The following CACNA2D1 variants were observed in gnomAD, a reference collection of about 807,000 sequenced individuals.
The protein encoded by CACNA2D1 is calcium voltage-gated channel auxiliary subunit alpha2delta 1.
In CACNA2D1, 53 loss-of-function variants were observed where a neutral mutation model predicts 171.5. That is an observed-to-expected ratio of 0.31 (90% CI 0.25 to 0.39). The LOEUF (loss-of-function observed/expected upper bound fraction) is 0.39. Among genes scored for constraint, CACNA2D1 ranks in the 10% least tolerant of loss-of-function variants. The pLI, the probability that CACNA2D1 is intolerant of heterozygous loss-of-function variation, is 1.00. For synonymous variants in CACNA2D1, 442 were observed against 443.1 expected (o/e 1.00, Z 0.03); for missense variants, 903 against 1,299.8 (o/e 0.69, Z 4.69).
At chr7:82,341,565 C>A (rs1336636052) in intron 2 of CACNA2D1, among the ~76,000 whole-genome samples, 1 of 152,088 alleles carries the variant, frequency 6.6e-6, no homozygotes, top group African/African-American at 2.4e-5. Context: ...ATGATGTAAT[C>A]TACTAAATAA....
intron 3 of CACNA2D1, among the ~76,000 whole-genome samples, chr7:82,211,064 TTA>T (rs1187508076): frequency 6.6e-6 from 1 of 152,182 alleles, no homozygotes; most frequent in East Asian, 1.9e-4. Flanking sequence ...ACATTATTGT[TTA>T]TATGTTTTCA....
At chr7:82,072,732 T>C (rs971811262) in intron 7 of CACNA2D1, among the ~76,000 whole-genome samples, 1 of 151,978 alleles carries the variant, frequency 6.6e-6, no homozygotes, top group Non-Finnish European at 1.5e-5. Context: ...AATCATGAAT[T>C]TGGGAACCAG....
At chr7:82,274,357 T>G (rs1176735689) in intron 3 of CACNA2D1, among the ~76,000 whole-genome samples, 2 of 152,204 alleles carry the variant, frequency 1.3e-5, no homozygotes, top group Non-Finnish European at 2.9e-5. Context: ...TATTGCATAT[T>G]TACTTTAATT....
intron 10 of CACNA2D1, among the ~76,000 whole-genome samples, chr7:82,049,571 G>A (rs1170112108): frequency 6.6e-6 from 1 of 152,088 alleles, no homozygotes; most frequent in African/African-American, 2.4e-5. Context: ...CGCAAAGCCC[G>A]CCAGTTGTAC....
At chr7:82,439,781 T>C in intron 1 of CACNA2D1, among the ~76,000 whole-genome samples, 1 of 151,694 alleles carries the variant, frequency 6.6e-6, no homozygotes, top group East Asian at 1.9e-4. Flanking sequence ...AAATGTTATA[T>C]GGTTAAGCCG....
chr7:82,043,657 T>C (rs1284450997), intron 10 of CACNA2D1, among the ~76,000 whole-genome samples: 1 of 152,180 alleles, frequency 6.6e-6, no homozygotes, highest in Non-Finnish European at 1.5e-5. Context: ...AAGCTTTTGG[T>C]TTTGTAAAGG....
chr7:81,954,985 C>G (rs1012587979), intron 38 of CACNA2D1, among the ~76,000 whole-genome samples: 1 of 152,086 alleles, frequency 6.6e-6, no homozygotes, highest in African/African-American at 2.4e-5. Context: ...TAAATGTAGA[C>G]AGATTATGTA....
intron 3 of CACNA2D1, among the ~76,000 whole-genome samples, chr7:82,324,772 T>G (rs1816439627): frequency 6.6e-6 from 1 of 152,066 alleles, no homozygotes; most frequent in Non-Finnish European, 1.5e-5. Flanking sequence ...ATGTTCTGAG[T>G]GAAAATTCTG....
chr7:82,181,403 C>T (rs1797129945), intron 3 of CACNA2D1, among the ~76,000 whole-genome samples: 1 of 152,184 alleles, frequency 6.6e-6, no homozygotes, highest in South Asian at 2.1e-4. Context: ...GTCTTTAGAA[C>T]AGTACTTCTC....
At chr7:82,324,955 A>C (rs1816463436) in intron 3 of CACNA2D1, among the ~76,000 whole-genome samples, 1 of 152,222 alleles carries the variant, frequency 6.6e-6, no homozygotes, top group Non-Finnish European at 1.5e-5. Context: ...GGCTACAAGC[A>C]TCACTTCCTG....
chr7:81,992,945 A>C (rs746227572), intron 20 of CACNA2D1, among the ~76,000 whole-genome samples: 1 of 152,208 alleles, frequency 6.6e-6, no homozygotes, highest in African/African-American at 2.4e-5. Context: ...TGGAGTATGC[A>C]TAATAAATAC....
At chr7:82,190,777 G>A (rs1455125292) in intron 3 of CACNA2D1, among the ~76,000 whole-genome samples, 1 of 151,476 alleles carries the variant, frequency 6.6e-6, no homozygotes, top group Non-Finnish European at 1.5e-5. Flanking sequence ...AGACTGGAAG[G>A]GATCTTAGGA....
chr7:82,430,093 T>C (rs1311028189), intron 1 of CACNA2D1, among the ~76,000 whole-genome samples: 1 of 152,182 alleles, frequency 6.6e-6, no homozygotes, highest in Non-Finnish European at 1.5e-5. Context: ...TTCTTTTCTA[T>C]GGCAAATGTC....
chr7:82,294,621 C>A (rs1191422005), intron 3 of CACNA2D1, among the ~76,000 whole-genome samples: 2 of 151,978 alleles, frequency 1.3e-5, no homozygotes, highest in African/African-American at 2.4e-5. Context: ...TGTCATGAGT[C>A]ATGAAATCTA....
intron 3 of CACNA2D1, among the ~76,000 whole-genome samples, chr7:82,223,164 C>G (rs538396819): frequency 2.0e-5 from 3 of 152,158 alleles, no homozygotes; most frequent in South Asian, 4.2e-4. Flanking sequence ...CCTTAGCCTC[C>G]CAAAGTGCTG....
In CACNA2D1 at chr7:81,946,937, C is replaced by G. The variant is rs1017808818; in HGVS notation, c.*3455G>C. 6 of 151,956 alleles carry G rather than the reference C, an allele frequency of 3.9e-5. No individual in the cohort carries two copies. The highest frequency in any genetic ancestry group is 1.4e-4 in the African/African-American group (6 of 41,380). 9.4% of individuals were successfully genotyped at this position (151,956 alleles called of 1,614,324 possible). Reference sequence around the variant, plus strand: ...GAAATGTACTGTGAATATTGACATTCTGCTATGGGAAACAATACAAGTTTA... The same window carrying G: ...GAAATGTACTGTGAATATTGACATTGTGCTATGGGAAACAATACAAGTTTA... On this transcript the variant is annotated 3_prime_UTR_variant, in exon 39 of 39. Coordinates refer to ENST00000356860, the MANE Select transcript of CACNA2D1 (RefSeq NM_000722.4).
intron 4 of CACNA2D1, among the ~76,000 whole-genome samples, chr7:82,149,066 G>A (rs533146963): frequency 1.3e-5 from 2 of 152,212 alleles, no homozygotes; most frequent in African/African-American, 2.4e-5. Context: ...GTCAAGGATC[G>A]GCTGCATTCC....
intron 3 of CACNA2D1, among the ~76,000 whole-genome samples, chr7:82,178,650 A>G (rs962672405): frequency 1.3e-5 from 2 of 152,124 alleles, no homozygotes; most frequent in African/African-American, 4.8e-5. Context: ...CTAGAGGGTA[A>G]TATTTTGGAG....
intron 3 of CACNA2D1, among the ~76,000 whole-genome samples, chr7:82,286,496 C>A (rs1218930840): frequency 3.3e-5 from 5 of 152,144 alleles, no homozygotes; most frequent in African/African-American, 1.2e-4. Flanking sequence ...AACAGATATA[C>A]AAGTATCTTA....
Sources: allele counts gnomAD v4.1 joint callset (sites outside exome capture counted in the v4.1 genomes callset), GRCh38; gene constraint gnomAD v4.1.1; transcripts MANE v1.5; gene names NCBI Gene and HGNC (gene_info 2026-07-23, HGNC 2026-07-21).